The following SLC9A9 variants were observed in gnomAD, a reference collection of about 807,000 sequenced individuals.
SLC9A9 encodes the protein solute carrier family 9 member A9.
In SLC9A9, 62 loss-of-function variants were observed where a neutral mutation model predicts 77.8. The ratio of observed to expected loss-of-function variants is 0.80; its 90% confidence interval spans 0.65 to 0.98. The LOEUF is 0.98. Among genes scored for constraint, SLC9A9 ranks in the 50% least tolerant of loss-of-function variants. SLC9A9 has a pLI of 0.00. For missense variants in SLC9A9, 775 were observed against 774.9 expected (o/e 1.00, Z 0.00); for synonymous variants, 320 against 283.5 (o/e 1.13, Z -1.29).
At chr3:143,328,444 C>T (rs547703006) in intron 14 of SLC9A9, among the ~76,000 whole-genome samples, 1 of 152,286 alleles carries the variant, frequency 6.6e-6, no homozygotes, top group Non-Finnish European at 1.5e-5. Flanking sequence ...AACAGTGAAC[C>T]ATAAAGAGGC....
intron 4 of SLC9A9, among the ~76,000 whole-genome samples, chr3:143,767,414 T>G (rs1391981459): frequency 1.0e-5 from 1 of 99,392 alleles, no homozygotes; most frequent in Non-Finnish European, 2.0e-5. Context: ...GTGTGTGTGT[T>G]TACAGAAAAT....
At chr3:143,828,304 C>G (rs1004382114) in intron 2 of SLC9A9, among the ~76,000 whole-genome samples, 1 of 152,102 alleles carries the variant, frequency 6.6e-6, no homozygotes, top group African/African-American at 2.4e-5. Flanking sequence ...ATGTGCTCTG[C>G]CAAGATCTCA....
At chr3:143,534,131 G>T (rs1017649834) in intron 9 of SLC9A9, among the ~76,000 whole-genome samples, 1 of 152,118 alleles carries the variant, frequency 6.6e-6, no homozygotes, top group African/African-American at 2.4e-5. Context: ...TGAAACTCAA[G>T]ACCAGTTTAT....
chr3:143,663,270 A>G (rs2039009368), intron 5 of SLC9A9, among the ~76,000 whole-genome samples: 1 of 152,218 alleles, frequency 6.6e-6, no homozygotes, highest in African/African-American at 2.4e-5. Context: ...TAGCATCAAC[A>G]CCAACAAAAA....
At chr3:143,584,154 C>T (rs1031775064) in intron 6 of SLC9A9, among the ~76,000 whole-genome samples, 39 of 152,184 alleles carry the variant, frequency 2.6e-4, no homozygotes, top group African/African-American at 8.4e-4. Context: ...TGTGGCCTTA[C>T]GGAGTCATCT....
At chr3:143,824,062 G>A (rs897638425) in intron 2 of SLC9A9, among the ~76,000 whole-genome samples, 13 of 152,238 alleles carry the variant, frequency 8.5e-5, no homozygotes, top group Non-Finnish European at 1.6e-4. Flanking sequence ...TAGTATTTGC[G>A]TGGTGCATTC....
rs562541132 is a variant in SLC9A9 at position 143,590,343 on chromosome 3, A to G, written c.756-11620T>C. On this transcript the variant is annotated intron_variant, in intron 6 of 15. Coordinates refer to ENST00000316549, the MANE Select transcript of SLC9A9 (RefSeq NM_173653.4). ...CACTCCAAAAATATTAGCTGTTATT[A>G]TTGCTATTTGCATTAGCTATATCTT... Among the ~76,000 whole-genome samples, 120 of 152,362 alleles carry G rather than the reference A, an allele frequency of 7.9e-4. 1 individual carries two copies. The highest frequency in any genetic ancestry group is 6.8e-3 in the Middle Eastern group (2 of 294).
intron 9 of SLC9A9, chr3:143,503,701 G>T: frequency 2.6e-6 from 1 of 383,204 alleles, no homozygotes; most frequent in South Asian, 2.0e-5. Context: ...TGGTCTCCCG[G>T]AGCGGCCACC....
chr3:143,664,577 G>C (rs2039032573), intron 5 of SLC9A9, among the ~76,000 whole-genome samples: 1 of 152,168 alleles, frequency 6.6e-6, no homozygotes, highest in African/African-American at 2.4e-5. Flanking sequence ...GCTGTATTCA[G>C]GAGACCCATC....
In SLC9A9 at chr3:143,833,975, T is replaced by C. The variant is rs192559165; in HGVS notation, c.176-1754A>G. ...CCTCTCTCATGCTGAGAGGTTTTGA[T>C]TTTTAACCCAATGGTAATGTAGAAC... On this transcript the variant is annotated intron_variant, in intron 1 of 15. Coordinates refer to ENST00000316549, the MANE Select transcript of SLC9A9 (RefSeq NM_173653.4). 8.2e-4 allele frequency among the ~76,000 whole-genome samples: 125 copies of C among 152,254 alleles called. 1 individual carries two copies. The East Asian group carries it at 0.012, about 14-fold the overall frequency.
chr3:143,797,898 C>T (rs1416810235), intron 2 of SLC9A9, among the ~76,000 whole-genome samples: 1 of 152,214 alleles, frequency 6.6e-6, no homozygotes, highest in Non-Finnish European at 1.5e-5. Context: ...TTATTGCTCA[C>T]ACAAAGCCTG....
At chr3:143,370,880 T>C (rs540486542) in intron 13 of SLC9A9, among the ~76,000 whole-genome samples, 1 of 152,094 alleles carries the variant, frequency 6.6e-6, no homozygotes, top group Non-Finnish European at 1.5e-5. Context: ...AGGACTGTGA[T>C]CCTTGAAAGA....
chr3:143,572,391 C>T (rs149743333), intron 8 of SLC9A9, among the ~76,000 whole-genome samples: 5 of 151,884 alleles, frequency 3.3e-5, no homozygotes, highest in African/African-American at 4.8e-5. Flanking sequence ...TACTTCCTTA[C>T]CTTTCTAGAA....
intron 12 of SLC9A9, among the ~76,000 whole-genome samples, chr3:143,425,620 A>G (rs1265035617): frequency 1.3e-5 from 2 of 152,154 alleles, no homozygotes; most frequent in African/African-American, 4.8e-5. Flanking sequence ...GAGTTTGAGA[A>G]TGGGTAGTGA....
At chr3:143,458,670 TACC>T (rs1401932295) in intron 12 of SLC9A9, among the ~76,000 whole-genome samples, 1 of 152,144 alleles carries the variant, frequency 6.6e-6, no homozygotes, top group Non-Finnish European at 1.5e-5. Context: ...ATTAATAGTT[TACC>T]ACTTCAAGTG....
intron 6 of SLC9A9, chr3:143,626,870 T>G (rs1411223539): frequency 7.7e-6 from 1 of 130,138 alleles, no homozygotes; most frequent in Non-Finnish European, 1.6e-5. Context: ...GAGACTGCAC[T>G]AGCTCCTTTT....
intron 12 of SLC9A9, among the ~76,000 whole-genome samples, chr3:143,411,244 A>G (rs2034091682): frequency 6.6e-6 from 1 of 152,142 alleles, no homozygotes; most frequent in Admixed American, 6.5e-5. Flanking sequence ...TCACCAAAGT[A>G]TGTCTAAGGT....
chr3:143,724,041 C>G (rs1934574561), intron 4 of SLC9A9, among the ~76,000 whole-genome samples: 1 of 152,130 alleles, frequency 6.6e-6, no homozygotes, highest in Non-Finnish European at 1.5e-5. Context: ...AAGTTCTTTC[C>G]TTGTCAGAAT....
chr3:143,729,777 C>T (rs367566419), intron 4 of SLC9A9, among the ~76,000 whole-genome samples: 1 of 152,088 alleles, frequency 6.6e-6, no homozygotes, highest in Non-Finnish European at 1.5e-5. Flanking sequence ...TCCTTATTGT[C>T]GTTGTGTCTG....
Sources: gnomAD v4.1 joint callset for allele counts (sites outside exome capture counted in the v4.1 genomes callset) on GRCh38, gnomAD v4.1.1 for gene constraint, MANE v1.5 for transcripts, NCBI Gene and HGNC (gene_info 2026-07-23, HGNC 2026-07-21) for gene names.